FIRRM: variants seen among roughly 807,000 people sequenced by gnomAD.
FIRRM encodes FIGNL1 interacting regulator of recombination and mitosis, also known as FIGNL1-interacting regulator of recombination and mitosis.
At chr1:169,827,674 A>G in the FIRRM span, 3 of 1,611,342 alleles carry the variant, frequency 1.9e-6, no homozygotes, top group Non-Finnish European at 8.5e-7. Flanking sequence ...TATTAATCAG[A>G]TTTCTGCTGA....
chr1:169,787,679 A>G, the FIRRM span, among the ~76,000 whole-genome samples: 2 of 152,222 alleles, frequency 1.3e-5, no homozygotes. Flanking sequence ...CCATGCTTTA[A>G]CAAGTAACAT....
the FIRRM span, chr1:169,847,618 C>A: frequency 8.2e-6 from 9 of 1,101,180 alleles, no homozygotes; most frequent in Non-Finnish European, 1.1e-5. Flanking sequence ...CCATCCAAAT[C>A]TTAGGCAGTT....
the FIRRM span, chr1:169,842,624 G>A: frequency 2.7e-6 from 4 of 1,479,676 alleles, no homozygotes; most frequent in Non-Finnish European, 3.7e-6. Flanking sequence ...CCAGTGTAGA[G>A]TAAAATGTAT....
the FIRRM span, among the ~76,000 whole-genome samples, chr1:169,786,752 T>G: frequency 6.6e-6 from 1 of 152,206 alleles, no homozygotes; most frequent in South Asian, 2.1e-4. Flanking sequence ...TGACCAGACA[T>G]GACAGAATAG....
At chr1:169,849,387 C>T in the FIRRM span, 1 of 730,914 alleles carries the variant, frequency 1.4e-6, no homozygotes, top group Non-Finnish European at 2.3e-6. Flanking sequence ...TGTGTGTCCC[C>T]TGGGACAGGA....
the FIRRM span, chr1:169,784,902 T>C: frequency 6.6e-6 from 1 of 152,210 alleles, no homozygotes; most frequent in Non-Finnish European, 1.5e-5. Flanking sequence ...GAAATTACCT[T>C]CTCTACTCAT....
chr1:169,853,114 C>T, the FIRRM span: 3 of 869,856 alleles, frequency 3.4e-6, no homozygotes, highest in Admixed American at 2.5e-5. Flanking sequence ...CTTTATTTGA[C>T]ATTTAGAGAA....
chr1:169,845,474 G>GT, the FIRRM span, among the ~76,000 whole-genome samples: 1 of 152,186 alleles, frequency 6.6e-6, no homozygotes, highest in African/African-American at 2.4e-5. Flanking sequence ...TCTGTAGCAT[G>GT]TGATGCTGTT....
At chr1:169,812,663 G>C in the FIRRM span, among the ~76,000 whole-genome samples, 1 of 151,910 alleles carries the variant, frequency 6.6e-6, no homozygotes, top group Non-Finnish European at 1.5e-5. Context: ...TCGAGACCAG[G>C]CTGGCCAACA....
At chr1:169,811,841 T>TTATCTATCTAAATAGATAATAGATTATC in the FIRRM span, among the ~76,000 whole-genome samples, 122 of 141,954 alleles carry the variant, frequency 8.6e-4, 5 homozygotes, top group East Asian at 0.013. Flanking sequence ...AGATAATAGA[T>TTATCTATCTAAATAGATAATAGATTATC]TATCTAAATA....
At chr1:169,853,225 T>C in the FIRRM span, 59 of 527,766 alleles carry the variant, frequency 1.1e-4, no homozygotes, top group African/African-American at 1.0e-3. Context: ...TTTACTCAGA[T>C]AGTCTAACTG....
the FIRRM span, among the ~76,000 whole-genome samples, chr1:169,848,183 T>G: frequency 6.6e-6 from 1 of 152,148 alleles, no homozygotes; most frequent in South Asian, 2.1e-4. Flanking sequence ...AGAACCTGTT[T>G]TTAAAGACGA....
chr1:169,824,158 G>A, the FIRRM span, among the ~76,000 whole-genome samples: 1 of 152,038 alleles, frequency 6.6e-6, no homozygotes, highest in African/African-American at 2.4e-5. Flanking sequence ...TGTCACTGAG[G>A]AAAAATGGAA....
the FIRRM span, chr1:169,853,036 A>G: frequency 4.5e-6 from 7 of 1,568,976 alleles, no homozygotes; most frequent in Non-Finnish European, 6.1e-6. Context: ...AACTGAAAAT[A>G]CTTATGTCTG....
chr1:169,830,439 A>G, the FIRRM span: 2 of 1,109,820 alleles, frequency 1.8e-6, no homozygotes, highest in Non-Finnish European at 1.3e-6. Context: ...AACTGTTTCA[A>G]TAATCCTTTA....
the FIRRM span, chr1:169,804,432 C>A: frequency 5.9e-6 from 2 of 341,218 alleles, no homozygotes; most frequent in Non-Finnish European, 5.2e-6. Context: ...CCTAGATTTG[C>A]GTATTTAGTT....
the FIRRM span, among the ~76,000 whole-genome samples, chr1:169,817,742 A>C: frequency 2.0e-5 from 3 of 152,206 alleles, no homozygotes; most frequent in African/African-American, 7.2e-5. Context: ...ATCTAATTTT[A>C]ATCAGTATAA....
chr1:169,804,588 C>T, the FIRRM span, among the ~76,000 whole-genome samples: 4 of 152,038 alleles, frequency 2.6e-5, no homozygotes, highest in African/African-American at 7.2e-5. Context: ...CATATAAATA[C>T]GTGCATATGT....
chr1:169,821,640 C>A, the FIRRM span: 7 of 1,406,208 alleles, frequency 5.0e-6, no homozygotes, highest in Non-Finnish European at 6.8e-6. Flanking sequence ...ATATTCTTTT[C>A]TTATTTATTA....
Sources: gnomAD v4.1 joint callset for allele counts (sites outside exome capture counted in the v4.1 genomes callset) on GRCh38, gnomAD v4.1.1 for gene constraint, MANE v1.5 for transcripts, NCBI Gene and HGNC (gene_info 2026-07-23, HGNC 2026-07-21) for gene names.